The following DMXL1 variants were observed in gnomAD, a reference collection of about 807,000 sequenced individuals.
DMXL1 encodes the protein Dmx like 1.
In DMXL1, 99 loss-of-function variants were observed where a neutral mutation model predicts 319.2. That is an observed-to-expected ratio of 0.31 (90% CI 0.26 to 0.37). The LOEUF (loss-of-function observed/expected upper bound fraction) is 0.37, where lower values mean the gene tolerates loss of function less well. Among genes scored for constraint, DMXL1 ranks in the 10% least tolerant of loss-of-function variants. The probability of loss-of-function intolerance (pLI) is 1.00; values close to 1 mark genes in which losing one functional copy is unlikely to be tolerated. For synonymous variants in DMXL1, 1,385 were observed against 1,235.2 expected (o/e 1.12, Z -2.54); for missense variants, 3,745 against 3,595.6 (o/e 1.04, Z -1.06).
At chr5:119,134,727 A>G (rs994709530) in intron 13 of DMXL1, among the ~76,000 whole-genome samples, 1 of 152,256 alleles carries the variant, frequency 6.6e-6, no homozygotes, top group Non-Finnish European at 1.5e-5. Flanking sequence ...CTGGAACAAC[A>G]GGAATAGAAT....
Position 119,220,705 on chromosome 5 carries a change from T to C in DMXL1, c.8135+112T>C. 8.2e-6 allele frequency: 11 copies of C among 1,349,264 alleles called. No homozygotes were observed. The South Asian group carries it at 8.7e-5, about 11-fold the overall frequency. 83.6% of individuals were successfully genotyped at this position (1,349,264 alleles called of 1,614,324 possible). A position where few individuals can be genotyped will look rare whatever the true frequency, so the allele number is the denominator to read the frequency against. On this transcript the variant is annotated intron_variant, in intron 36 of 43. Transcript: ENST00000539542. Reference sequence around the variant, plus strand: ...AGCAATGTATAGATTGTAAGCAGAGTAGAAGCTGATGTGCTAAATGAGGGG... The same window carrying C: ...AGCAATGTATAGATTGTAAGCAGAGCAGAAGCTGATGTGCTAAATGAGGGG...
chr5:119,106,576 A>T lies in DMXL1; in HGVS notation c.364+1318A>T, dbSNP rs376739924. On this transcript the variant is annotated intron_variant, in intron 4 of 43. Coordinates refer to ENST00000539542, the MANE Select transcript of DMXL1 (RefSeq NM_001290321.3). ...GGAGACCTTTAAAGTCATGCTAAAA[A>T]TTTGAATTTAATTCTTTATGGTTGT... Among the ~76,000 whole-genome samples the T allele has an allele frequency of 3.3e-5, 5 of 152,326 alleles. No homozygotes were observed. The East Asian group carries it at 7.7e-4, about 23-fold the overall frequency.
At chr5:119,108,443 A>G (rs1758833104) in intron 4 of DMXL1, among the ~76,000 whole-genome samples, 1 of 151,732 alleles carries the variant, frequency 6.6e-6, no homozygotes, top group South Asian at 2.1e-4. Flanking sequence ...TTTTTTCTTG[A>G]GACAGGGTCT....
At position 119,134,137 on chromosome 5, in the gene DMXL1, A is replaced by G. The variant is rs377565835; in HGVS notation, c.2213A>G (p.Asn738Ser). 9 of 1,613,916 alleles carry G rather than the reference A, an allele frequency of 5.6e-6. No individual in the cohort carries two copies. The East Asian group carries it at 6.7e-5, about 12-fold the overall frequency. ...TCTCTTCATGTTTCTGCCTTTTCCA[A>G]TGTGGCATGGCTGCCCACTCTTATA... ...INSLHVSAFS[N>S]VAWLPTLIPS... Residue 738 changes from asparagine (N) to serine (S), a missense_variant, in exon 12 of 44, where the codon AAT becomes AGT. Transcript: ENST00000539542.
intron 9 of DMXL1, among the ~76,000 whole-genome samples, chr5:119,126,195 A>C (rs1218816145): frequency 6.6e-6 from 1 of 152,172 alleles, no homozygotes; most frequent in African/African-American, 2.4e-5. Context: ...AGGCAGGAGA[A>C]TCGCTTGAAC....
intron 28 of DMXL1, among the ~76,000 whole-genome samples, chr5:119,183,527 C>T (rs992286166): frequency 3.3e-5 from 5 of 152,150 alleles, no homozygotes; most frequent in African/African-American, 1.2e-4. Context: ...GGCTGGAGTG[C>T]AGTGGCGTGA....
chr5:119,214,542 A>G (rs1449306598), intron 34 of DMXL1, among the ~76,000 whole-genome samples: 1 of 152,090 alleles, frequency 6.6e-6, no homozygotes, highest in Non-Finnish European at 1.5e-5. Context: ...CTCTACCTTT[A>G]TCTCCAATCT....
intron 1 of DMXL1, among the ~76,000 whole-genome samples, chr5:119,084,533 T>C (rs1449925592): frequency 6.6e-6 from 1 of 152,188 alleles, no homozygotes; most frequent in African/African-American, 2.4e-5. Flanking sequence ...ATGTAATCTG[T>C]ATCAGAATAC....
At chr5:119,122,316 A>C (rs1271207862) in intron 9 of DMXL1, among the ~76,000 whole-genome samples, 6 of 113,100 alleles carry the variant, frequency 5.3e-5, no homozygotes, top group Non-Finnish European at 7.4e-5. Flanking sequence ...CGGGGGGCTG[A>C]CCCCCCCACC....
intron 13 of DMXL1, among the ~76,000 whole-genome samples, chr5:119,142,688 A>G (rs1049590858): frequency 3.2e-4 from 49 of 152,082 alleles, no homozygotes; most frequent in African/African-American, 9.9e-4. Context: ...ATTACTGGCT[A>G]TGTACCTAGA....
intron 11 of DMXL1, 46 bp from the exon 12 acceptor site, chr5:119,133,448 C>T: frequency 6.3e-7 from 1 of 1,576,616 alleles, no homozygotes; most frequent in Non-Finnish European, 8.6e-7. Flanking sequence ...TCTAATACCT[C>T]TTTATATAAT....
chr5:119,199,705 T>A (rs1278943185), intron 32 of DMXL1, among the ~76,000 whole-genome samples: 1 of 152,214 alleles, frequency 6.6e-6, no homozygotes, highest in African/African-American at 2.4e-5. Flanking sequence ...TGTTCCCTTT[T>A]CTCTGCAACC....
Position 119,071,317 on chromosome 5 carries a change from G to T in DMXL1, c.-253G>T, listed in dbSNP as rs2149635293. ...CCCTGAGCTTCACCTGGGCTAGCGC[G>T]GGGAGTGACAGGTGCGCGAAGGAGC... On this transcript the variant is annotated 5_prime_UTR_variant, in exon 1 of 44. Coordinates refer to ENST00000539542, the MANE Select transcript of DMXL1 (RefSeq NM_001290321.3). 1 of 499,060 alleles carries T rather than the reference G, an allele frequency of 2.0e-6. No homozygotes were observed. Among genetic ancestry groups the T allele is most frequent in the Non-Finnish European group, 3.5e-6 (1 of 282,082 alleles). 30.9% of individuals were successfully genotyped at this position (499,060 alleles called of 1,614,324 possible). A position where few individuals can be genotyped will look rare whatever the true frequency, so the allele number is the denominator to read the frequency against.
chr5:119,215,670 T>G (rs1783554327), intron 34 of DMXL1, among the ~76,000 whole-genome samples: 1 of 152,074 alleles, frequency 6.6e-6, no homozygotes, highest in Non-Finnish European at 1.5e-5. Context: ...TTCTGATCCA[T>G]TCTGTGGTCA....
At position 119,125,664 on chromosome 5, in the gene DMXL1, A is replaced by G. The variant is rs897081332; in HGVS notation, c.1103-3547A>G. ...ACAGCAAACTCCACCTCCCGGGTTC[A>G]TGCCATTCTCCTGCCTCTGCCTCCC... On this transcript the variant is annotated intron_variant, in intron 9 of 43. Transcript: ENST00000539542. 2.0e-5 allele frequency among the ~76,000 whole-genome samples: 3 copies of G among 151,992 alleles called. No individual in the cohort carries two copies. In the East Asian group the frequency reaches 5.8e-4, roughly 29 times the overall value.
intron 37 of DMXL1, among the ~76,000 whole-genome samples, chr5:119,222,674 G>A (rs143049980): frequency 8.8e-4 from 134 of 152,154 alleles, no homozygotes; most frequent in South Asian, 5.0e-3. Context: ...GTTGTCACTC[G>A]CTTTCTAAAA....
At chr5:119,097,633 C>T (rs1164039635) in intron 1 of DMXL1, among the ~76,000 whole-genome samples, 1 of 152,114 alleles carries the variant, frequency 6.6e-6, no homozygotes. Flanking sequence ...AGGAGAATGG[C>T]GTGAACCTGG....
intron 23 of DMXL1, 75 bp downstream of exon 23, chr5:119,167,939 G>C: frequency 7.2e-7 from 1 of 1,398,410 alleles, no homozygotes; most frequent in South Asian, 1.4e-5. Flanking sequence ...CACTCTATTA[G>C]GTGGTAAGGG....
intron 27 of DMXL1, 140 bp from the exon 28 acceptor site, chr5:119,177,856 T>C: frequency 2.9e-6 from 2 of 687,750 alleles, no homozygotes; most frequent in Non-Finnish European, 4.5e-6. Flanking sequence ...TAACCGCTAC[T>C]AGTCTGTGAA....
Sources: allele counts gnomAD v4.1 joint callset (sites outside exome capture counted in the v4.1 genomes callset), GRCh38; gene constraint gnomAD v4.1.1; transcripts MANE v1.5; gene names NCBI Gene and HGNC (gene_info 2026-07-23, HGNC 2026-07-21).